The following TDRD7 variants were observed in gnomAD, a reference collection of about 807,000 sequenced individuals.
The protein encoded by TDRD7 is tudor domain-containing protein 7.
Under a neutral mutation model 109.8 loss-of-function variants are expected in TDRD7, and 47 were observed. That is an observed-to-expected ratio of 0.43 (90% confidence interval 0.34 to 0.55). The LOEUF (loss-of-function observed/expected upper bound fraction) is 0.55, where lower values mean the gene tolerates loss of function less well. Among genes scored for constraint, TDRD7 ranks in the 20% least tolerant of loss-of-function variants. The pLI is 0.03. For synonymous variants in TDRD7, 424 were observed against 457.3 expected (o/e 0.93, Z 0.93); for missense variants, 1,164 against 1,319.2 (o/e 0.88, Z 1.82).
At chr9:97,433,513 C>CA (rs1389428935) in intron 4 of TDRD7, among the ~76,000 whole-genome samples, 1 of 151,678 alleles carries the variant, frequency 6.6e-6, no homozygotes, top group Non-Finnish European at 1.5e-5. Flanking sequence ...CAAAAATAGA[C>CA]AAATGGGATT....
intron 6 of TDRD7, among the ~76,000 whole-genome samples, chr9:97,451,405 C>G (rs1828489738): frequency 6.6e-6 from 1 of 152,124 alleles, no homozygotes; most frequent in South Asian, 2.1e-4. Flanking sequence ...TCTTCCCACC[C>G]CAGCCTTCCA....
At chr9:97,472,643 A>C (rs1828941992) in intron 10 of TDRD7, 148 bp downstream of exon 10, 3 of 731,050 alleles carry the variant, frequency 4.1e-6, no homozygotes, top group Non-Finnish European at 4.8e-6. Context: ...CTAGAAGGGA[A>C]AAAAGTACCA....
chr9:97,434,998 C>A (rs1402228027), intron 4 of TDRD7, among the ~76,000 whole-genome samples: 1 of 151,924 alleles, frequency 6.6e-6, no homozygotes, highest in African/African-American at 2.4e-5. Flanking sequence ...TTAGTGGTTG[C>A]CAGAGGTTAA....
Position 97,460,210 on chromosome 9 carries a change from ACTT to A in TDRD7, c.892_894del (p.Leu298del). 6.2e-7 allele frequency: 1 copy of A among 1,614,224 alleles called. No homozygotes were observed. The highest frequency in any genetic ancestry group is 1.1e-5 in the South Asian group (1 of 91,080). On this transcript the variant is annotated inframe_deletion, in exon 7 of 17. Coordinates refer to ENST00000355295, the MANE Select transcript of TDRD7 (RefSeq NM_014290.3). ...AACCTTGCAGTGGTGGCCAAGATTT[ACTT>A]CTTTATCCAGCTAAGAGAAAGCAGC... is the stretch of plus-strand genomic sequence containing the variant.
intron 6 of TDRD7, among the ~76,000 whole-genome samples, chr9:97,449,412 C>T (rs62557512): frequency 0.044 from 6,644 of 152,290 alleles, 193 homozygotes; most frequent in African/African-American, 0.089. Flanking sequence ...TCTGACTGAC[C>T]AGCTTCAAAT....
At chr9:97,433,180 A>G (rs1463146231) in intron 4 of TDRD7, among the ~76,000 whole-genome samples, 6 of 152,152 alleles carry the variant, frequency 3.9e-5, no homozygotes, top group Admixed American at 2.0e-4. Flanking sequence ...TCCCCCCAGG[A>G]ACTTTCCCCC....
intron 1 of TDRD7, among the ~76,000 whole-genome samples, chr9:97,414,739 C>A (rs541211087): frequency 6.6e-6 from 1 of 152,262 alleles, no homozygotes; most frequent in South Asian, 2.1e-4. Flanking sequence ...AGTATACCAT[C>A]ATCTGAGGGT....
At chr9:97,435,966 A>G (rs2118330629) in intron 4 of TDRD7, among the ~76,000 whole-genome samples, 1 of 152,278 alleles carries the variant, frequency 6.6e-6, no homozygotes, top group Non-Finnish European at 1.5e-5. Context: ...AAAAATTCAC[A>G]CATGTACATT....
At chr9:97,449,706 G>C (rs1485224070) in intron 6 of TDRD7, among the ~76,000 whole-genome samples, 2 of 152,172 alleles carry the variant, frequency 1.3e-5, no homozygotes, top group African/African-American at 4.8e-5. Flanking sequence ...TTGACCTTCA[G>C]TGCCTCTTCC....
chr9:97,445,897 A>C (rs1404644945), intron 6 of TDRD7, among the ~76,000 whole-genome samples: 1 of 152,198 alleles, frequency 6.6e-6, no homozygotes, highest in Non-Finnish European at 1.5e-5. Flanking sequence ...AGGTCAAGGC[A>C]GGAGAATTGC....
intron 16 of TDRD7, among the ~76,000 whole-genome samples, chr9:97,492,060 C>G (rs1387824589): frequency 6.6e-6 from 1 of 152,222 alleles, no homozygotes; most frequent in African/African-American, 2.4e-5. Flanking sequence ...GGTTTCTGCT[C>G]TAGTACGCTT....
At chr9:97,443,469 A>G (rs1359091277) in intron 6 of TDRD7, among the ~76,000 whole-genome samples, 4 of 152,224 alleles carry the variant, frequency 2.6e-5, no homozygotes, top group Non-Finnish European at 4.4e-5. Context: ...TAGTTCTCCT[A>G]ATGGAAATTC....
At chr9:97,444,617 T>TG (rs1828367993) in intron 6 of TDRD7, among the ~76,000 whole-genome samples, 1 of 152,330 alleles carries the variant, frequency 6.6e-6, no homozygotes, top group East Asian at 1.9e-4. Flanking sequence ...AGACAGAACT[T>TG]GGTAATGGGT....
At chr9:97,480,665 C>T (rs1178290974) in intron 13 of TDRD7, 163 bp from the exon 14 acceptor site, 2 of 684,228 alleles carry the variant, frequency 2.9e-6, no homozygotes, top group Middle Eastern at 7.5e-4. Flanking sequence ...GAGTTAGGAA[C>T]ATAGCAGATG....
Position 97,473,545 on chromosome 9 carries a change from A to G in TDRD7, c.1998A>G (p.Thr666=). ...TAACTAATATTTGCTCTGATGGGAC[A>G]CTCTACTGCCAGGTGCCTTGTAAGG... ...VKVTNICSDG[T]LYCQVPCKGL... The change falls in exon 11 of 17, where the codon ACA becomes ACG. Residue 666 remains threonine, a synonymous_variant. Coordinates refer to ENST00000355295, the MANE Select transcript of TDRD7 (RefSeq NM_014290.3). 6.2e-7 allele frequency: 1 copy of G among 1,613,716 alleles called. No homozygotes were observed. The highest frequency in any genetic ancestry group is 8.5e-7 in the Non-Finnish European group (1 of 1,179,788).
chr9:97,414,160 T>C (rs1827773485), intron 1 of TDRD7, among the ~76,000 whole-genome samples: 2 of 152,228 alleles, frequency 1.3e-5, no homozygotes, highest in African/African-American at 4.8e-5. Flanking sequence ...AACCTGCTTT[T>C]TCCTCCCTCC....
chr9:97,428,761 C>CT, intron 2 of TDRD7, 89 bp downstream of exon 2: 1 of 1,261,580 alleles, frequency 7.9e-7, no homozygotes, highest in East Asian at 2.4e-5. Flanking sequence ...TGATAGACGT[C>CT]TAAGTGAAAG....
intron 7 of TDRD7, among the ~76,000 whole-genome samples, chr9:97,461,719 G>A (rs564298587): frequency 6.6e-6 from 1 of 152,340 alleles, no homozygotes; most frequent in Admixed American, 6.5e-5. Context: ...AACCCCTGGA[G>A]GTACCAGTCC....
At chr9:97,484,489 CA>C (rs1276458290) in intron 15 of TDRD7, among the ~76,000 whole-genome samples, 26 of 150,740 alleles carry the variant, frequency 1.7e-4, no homozygotes, top group Middle Eastern at 3.4e-3. Context: ...CACACACACA[CA>C]CACCCCAAAA....
Sources: allele counts gnomAD v4.1 joint callset (sites outside exome capture counted in the v4.1 genomes callset), GRCh38; gene constraint gnomAD v4.1.1; transcripts MANE v1.5; gene names NCBI Gene and HGNC (gene_info 2026-07-23, HGNC 2026-07-21).